The following FAM135A variants were observed in gnomAD, a reference collection of about 807,000 sequenced individuals.
FAM135A encodes the protein family with sequence similarity 135 member A.
In FAM135A, 79 loss-of-function variants were observed where a neutral mutation model predicts 146.8. The observed-to-expected ratio is 0.54, with a 90% confidence interval of 0.45 to 0.65. FAM135A has a LOEUF of 0.65. FAM135A is among the 30% of genes least tolerant of loss of function. FAM135A has a pLI of 0.00. For synonymous variants in FAM135A, 562 were observed against 603.6 expected (o/e 0.93, Z 1.01); for missense variants, 1,623 against 1,758.2 (o/e 0.92, Z 1.38).
rs531254018 is a variant in FAM135A at position 70,489,767 on chromosome 6, G to A, written c.824-1267G>A. On this transcript the variant is annotated intron_variant, in intron 10 of 21. Transcript: ENST00000418814. ...TGTAGTTGTACATGCTAGTACACAC[G>A]TTGCTTGTCTCGTTAGCATTTAAAA... 2.2e-4 allele frequency among the ~76,000 whole-genome samples: 33 copies of A among 152,206 alleles called. 1 individual carries two copies. Among genetic ancestry groups the A allele is most frequent in the Non-Finnish European group, 3.2e-4 (22 of 67,994 alleles).
chr6:70,426,888 T>C (rs1027921903), intron 3 of FAM135A: 12 of 152,194 alleles, frequency 7.9e-5, no homozygotes, highest in Non-Finnish European at 1.3e-4. Context: ...TACAGAACAG[T>C]AGACAAATCT....
chr6:70,461,525 A>G (rs981506492), intron 5 of FAM135A, among the ~76,000 whole-genome samples: 9 of 152,220 alleles, frequency 5.9e-5, no homozygotes, highest in Admixed American at 1.3e-4. Flanking sequence ...GCAAGTAATG[A>G]AGTGCATAGG....
intron 10 of FAM135A, among the ~76,000 whole-genome samples, chr6:70,486,892 A>T: frequency 6.6e-6 from 1 of 152,026 alleles, no homozygotes; most frequent in East Asian, 1.9e-4. Flanking sequence ...GTGCCATTGC[A>T]CTCCAGCCTA....
intron 12 of FAM135A, chr6:70,504,956 A>T (rs1318153262): frequency 6.6e-6 from 1 of 151,242 alleles, no homozygotes; most frequent in African/African-American, 2.4e-5. Flanking sequence ...GTCAAACTCC[A>T]TCTCAAAAAA....
At chr6:70,477,490 G>T (rs1210464296) in intron 8 of FAM135A, among the ~76,000 whole-genome samples, 158 bp downstream of exon 8, 2 of 152,064 alleles carry the variant, frequency 1.3e-5, no homozygotes, top group East Asian at 1.9e-4. Context: ...CTTCTGGGGA[G>T]GCCTCAGGAA....
chr6:70,470,371 T>C (rs1054700884), intron 5 of FAM135A, among the ~76,000 whole-genome samples: 2 of 152,190 alleles, frequency 1.3e-5, no homozygotes, highest in African/African-American at 4.8e-5. Context: ...TCTTTTTTTT[T>C]GGAGATGGAG....
chr6:70,426,283 G>T (rs1770130558), intron 2 of FAM135A, among the ~76,000 whole-genome samples, 156 bp from the exon 3 acceptor site: 1 of 152,134 alleles, frequency 6.6e-6, no homozygotes, highest in African/African-American at 2.4e-5. Flanking sequence ...AATTGTGAAT[G>T]AAAAAAGTCT....
intron 4 of FAM135A, among the ~76,000 whole-genome samples, chr6:70,448,321 C>T (rs1359248434): frequency 1.3e-5 from 2 of 152,262 alleles, no homozygotes; most frequent in Admixed American, 6.5e-5. Context: ...TCTGTTACTT[C>T]GTTGTACTCT....
chr6:70,456,369 A>G (rs1055482576), intron 5 of FAM135A, among the ~76,000 whole-genome samples: 45 of 152,336 alleles, frequency 3.0e-4, no homozygotes, highest in African/African-American at 1.1e-3. Context: ...AACATTTTAA[A>G]TCATTGAGTT....
Position 70,495,142 on chromosome 6 carries a change from A to G in FAM135A, c.873+4059A>G, listed in dbSNP as rs930077764. The stretch of plus-strand genomic sequence containing the variant: ...ACAGCAGGAAATTCATCATATGTCG[A>G]TGAATATTTATTCATTATGTCTTGA... On this transcript the variant is annotated intron_variant, in intron 11 of 21. Coordinates refer to ENST00000418814, the MANE Select transcript of FAM135A (RefSeq NM_001162529.3). 3.3e-5 allele frequency among the ~76,000 whole-genome samples: 5 copies of G among 152,190 alleles called. No homozygotes were observed. In the South Asian group the frequency reaches 1.0e-3, roughly 32 times the overall value.
Position 70,469,906 on chromosome 6 carries a change from G to A in FAM135A, c.158-5504G>A, listed in dbSNP as rs190647042. Among the ~76,000 whole-genome samples, 218 of 152,086 alleles carry A rather than the reference G, an allele frequency of 1.4e-3. 1 individual carries two copies. The highest frequency in any genetic ancestry group is 3.1e-3 in the Admixed American group (48 of 15,248). ...TTAGCTTGGCTGAGGTGAGAGGATC[G>A]CTTGAGCCCTGGAGGTCAAGACTGC... is the stretch of plus-strand genomic sequence containing the variant. On this transcript the variant is annotated intron_variant, in intron 5 of 21. Transcript: ENST00000418814.
At chr6:70,559,368 G>A (rs1801528631) in intron 21 of FAM135A, among the ~76,000 whole-genome samples, 1 of 151,830 alleles carries the variant, frequency 6.6e-6, no homozygotes, top group Admixed American at 6.6e-5. Context: ...TTGAACCCGG[G>A]AGGCAGAGGT....
Position 70,524,478 on chromosome 6 carries a change from C to T in FAM135A, c.1394C>T (p.Ser465Phe), listed in dbSNP as rs1045110966. 4 of 1,550,884 alleles carry T rather than the reference C, an allele frequency of 2.6e-6. No individual in the cohort carries two copies. Among genetic ancestry groups the T allele is most frequent in the Admixed American group, 2.0e-5 (1 of 50,882 alleles). The change falls in exon 15 of 22, where the codon TCC becomes TTC. Residue 465 changes from serine (S) to phenylalanine (F), a missense_variant. Ser to Phe is a radical substitution (Grantham distance 155). This residue lies in a region of FAM135A where 1,061 missense variants were observed against 1,113.8 expected (regional missense o/e 0.95). Transcript: ENST00000418814. ...PELKVRPAGA[S>F]SIWYTEGEKQ... ...TTGAAAGTCAGACCTGCTGGTGCCT[C>T]CAGTATTTGGTATACAGAAGGTGAA... is the stretch of plus-strand genomic sequence containing the variant.
intron 5 of FAM135A, among the ~76,000 whole-genome samples, chr6:70,463,212 C>G (rs1339045718): frequency 6.6e-6 from 1 of 152,118 alleles, no homozygotes; most frequent in Admixed American, 6.6e-5. Flanking sequence ...AGGTAACTCC[C>G]CTAAGCAGTT....
At chr6:70,540,156 CCA>C (rs1457390974) in intron 20 of FAM135A, among the ~76,000 whole-genome samples, 4 of 152,132 alleles carry the variant, frequency 2.6e-5, no homozygotes, top group African/African-American at 9.7e-5. Flanking sequence ...TTTCTCAACT[CCA>C]GTGTCCCTTC....
chr6:70,533,178 G>A lies in FAM135A; in HGVS notation c.3794G>A (p.Arg1265Gln), dbSNP rs768284724. ...HGLDGNSADL[R>Q]LVKTYIELGL... is the part of the protein sequence containing the mutation. Reference sequence around the variant, plus strand: ...TTTTTAGGAAACAGTGCAGATCTCCGATTAGTAAAAACTTACATTGAACTT... The same window carrying A: ...TTTTTAGGAAACAGTGCAGATCTCCAATTAGTAAAAACTTACATTGAACTT... Residue 1265 changes from arginine to glutamine, a missense_variant, in exon 17 of 22, where the codon CGA becomes CAA. Transcript: ENST00000418814. 7.4e-6 allele frequency: 12 copies of A among 1,612,632 alleles called. No homozygotes were observed. In the Admixed American group the frequency reaches 1.2e-4, roughly 16 times the overall value.
At chr6:70,465,092 A>G (rs1425489265) in intron 5 of FAM135A, among the ~76,000 whole-genome samples, 2 of 151,854 alleles carry the variant, frequency 1.3e-5, no homozygotes, top group Non-Finnish European at 2.9e-5. Context: ...TATGAGTTTG[A>G]CTGCTTTATA....
chr6:70,426,223 A>C (rs947162899), intron 2 of FAM135A, among the ~76,000 whole-genome samples: 1 of 152,178 alleles, frequency 6.6e-6, no homozygotes, highest in Non-Finnish European at 1.5e-5. Flanking sequence ...ACTTTGAATT[A>C]TATGTAAGTG....
At chr6:70,477,389 C>A (rs1782834388) in intron 8 of FAM135A, 57 bp downstream of exon 8, 2 of 1,523,122 alleles carry the variant, frequency 1.3e-6, no homozygotes, top group East Asian at 2.3e-5. Flanking sequence ...TAAAGAAATA[C>A]CTGAGACTGG....
Sources: allele counts gnomAD v4.1 joint callset (sites outside exome capture counted in the v4.1 genomes callset), GRCh38; gene constraint gnomAD v4.1.1; regional missense constraint gnomAD v4.1.1; transcripts MANE v1.5; gene names NCBI Gene and HGNC (gene_info 2026-07-23, HGNC 2026-07-21).